DPH5: variants seen among roughly 807,000 people sequenced by gnomAD.
DPH5 encodes diphthine methyl ester synthase.
Under a neutral mutation model 31.6 loss-of-function variants are expected in DPH5, and 31 were observed. That is an observed-to-expected ratio of 0.98 (90% CI 0.74 to 1.32). DPH5 has a LOEUF of 1.32. Ranked by LOEUF, DPH5 falls within the 40% of genes most tolerant of loss-of-function variation. The pLI is 0.00. For missense variants in DPH5, 309 were observed against 335.7 expected, an observed-to-expected ratio of 0.92 and a Z score of 0.62; for synonymous variants, 120 against 115.0, an observed-to-expected ratio of 1.04 and a Z score of -0.28.
intron 4 of DPH5, among the ~76,000 whole-genome samples, chr1:101,005,002 T>C (rs1659128262): frequency 6.6e-6 from 1 of 152,188 alleles, no homozygotes; most frequent in African/African-American, 2.4e-5. Context: ...GTATATTTTA[T>C]GTAGCTGACT....
At chr1:101,004,975 T>A (rs111941874) in intron 4 of DPH5, among the ~76,000 whole-genome samples, 6 of 152,346 alleles carry the variant, frequency 3.9e-5, no homozygotes, top group African/African-American at 1.2e-4. Context: ...TTAGTGCCAA[T>A]TCCTGTAAAT....
chr1:101,025,437 A>G lies in DPH5; in HGVS notation c.7T>C (p.Tyr3His). 1.2e-6 allele frequency: 2 copies of G among 1,614,152 alleles called. No homozygotes were observed. The highest frequency in any genetic ancestry group is 1.1e-5 in the South Asian group (1 of 91,082). ...TCTCCCAGGCCCAACCCGATGAGAT[A>G]AAGCATTTCAAACTTGAGGAGAAGA... ML[Y>H]LIGLGLGDAK... is the part of the protein sequence containing the mutation. Residue 3 changes from tyrosine to histidine, a missense_variant, in exon 2 of 8, where the codon TAT becomes CAT. Tyr to His is a moderately conservative substitution (Grantham distance 83, BLOSUM62 2). Transcript: ENST00000370109.
chr1:101,025,500 A>G (rs1220245159), intron 1 of DPH5, 34 bp from the exon 2 acceptor site: 1 of 1,600,810 alleles, frequency 6.2e-7, no homozygotes. Context: ...AACCGTCAGT[A>G]ACACCGAGGA....
rs1657569968 is a variant in DPH5, at chr1:100,990,471, C to G, written c.795G>C (p.Glu265Asp). The G allele has an allele frequency of 6.2e-7, 1 of 1,614,014 alleles. No individual in the cohort carries two copies. Among genetic ancestry groups the G allele is most frequent in the Non-Finnish European group, 8.5e-7 (1 of 1,180,020 alleles). Residue 265 changes from glutamate to aspartate, a missense_variant, in exon 8 of 8, where the codon GAG becomes GAC. Coordinates refer to ENST00000370109, the MANE Select transcript of DPH5 (RefSeq NM_015958.3). Reference protein sequence around the residue: ...TGGSIHPMEMEMLSLFSIPEN... With the variant: ...TGGSIHPMEMDMLSLFSIPEN... ...CTGGTATGGAAAACAGACTTAGCAT[C>G]TCCATCTCCATTGGATGTATGCTGC... is the stretch of plus-strand genomic sequence containing the variant.
chr1:100,992,314 G>A (rs868513809), intron 7 of DPH5, among the ~76,000 whole-genome samples: 2 of 151,956 alleles, frequency 1.3e-5, no homozygotes, highest in Admixed American at 6.6e-5. Context: ...CCATTGATTA[G>A]GGATAACATA....
intron 4 of DPH5, among the ~76,000 whole-genome samples, chr1:101,004,107 C>T (rs1360916877): frequency 2.0e-5 from 3 of 152,144 alleles, no homozygotes; most frequent in African/African-American, 7.2e-5. Flanking sequence ...TTTGAATTGT[C>T]TAATTTGAGA....
At chr1:101,010,552 G>A (rs943875998) in intron 4 of DPH5, among the ~76,000 whole-genome samples, 2 of 152,082 alleles carry the variant, frequency 1.3e-5, no homozygotes, top group African/African-American at 4.8e-5. Flanking sequence ...GTTCAAAGGG[G>A]GTTGATAAAT....
Position 100,994,540 on chromosome 1 carries a change from C to CT in DPH5, c.530+569dup, listed in dbSNP as rs869229716. On this transcript the variant is annotated intron_variant, in intron 6 of 7. Coordinates refer to ENST00000370109, the MANE Select transcript of DPH5 (RefSeq NM_015958.3). ...GCAGACTCAGGACTCAAACCCATGCCTTTTTTTTTTTTTTCTCACTCTGTT... is the reference window on the plus strand; with the variant it reads ...GCAGACTCAGGACTCAAACCCATGCCTTTTTTTTTTTTTTTCTCACTCTGTT... 5.5e-3 allele frequency among the ~76,000 whole-genome samples: 780 copies of CT among 142,392 alleles called. 5 individuals are homozygous for CT. The highest frequency in any genetic ancestry group is 5.7e-3 in the African/African-American group (222 of 39,092). The allele number at this position is 142,392 out of a possible 152,430, so 93.4% of individuals were successfully genotyped here. A position where few individuals can be genotyped will look rare whatever the true frequency, so the allele number is the denominator to read the frequency against.
intron 5 of DPH5, among the ~76,000 whole-genome samples, chr1:100,998,703 G>T (rs1353459198): frequency 1.3e-5 from 2 of 152,146 alleles, no homozygotes; most frequent in African/African-American, 4.8e-5. Flanking sequence ...ATTAGGAAGA[G>T]AATAATGAGC....
At chr1:101,006,101 G>A (rs1040079312) in intron 4 of DPH5, among the ~76,000 whole-genome samples, 4 of 152,176 alleles carry the variant, frequency 2.6e-5, no homozygotes, top group Non-Finnish European at 5.9e-5. Flanking sequence ...GGCCTCCCCA[G>A]CCATGCTGAA....
Position 101,013,828 on chromosome 1 carries a change from G to A in DPH5, c.261-10C>T. 6.3e-7 allele frequency: 1 copy of A among 1,590,718 alleles called. No individual in the cohort carries two copies. The highest frequency in any genetic ancestry group is 8.6e-7 in the Non-Finnish European group (1 of 1,166,058). The stretch of plus-strand genomic sequence containing the variant: ...ACTGTGTGTTGTGGCCCTGTAGTGA[G>A]AAAAGATTAGATTGGATTAAAGCAA... On this transcript the variant is annotated splice_polypyrimidine_tract_variant and intron_variant, in intron 3 of 7. Coordinates refer to ENST00000370109, the MANE Select transcript of DPH5 (RefSeq NM_015958.3).
chr1:101,003,711 T>C (rs1441399077), intron 4 of DPH5, among the ~76,000 whole-genome samples: 1 of 152,214 alleles, frequency 6.6e-6, no homozygotes, highest in Non-Finnish European at 1.5e-5. Flanking sequence ...ATAATGAAGA[T>C]GTTCTAAAAT....
In DPH5 at chr1:100,990,402, C is replaced by G; in HGVS notation, c.*6G>C. 1.9e-6 allele frequency: 3 copies of G among 1,612,758 alleles called. No individual in the cohort carries two copies. The highest frequency in any genetic ancestry group is 1.1e-5 in the South Asian group (1 of 91,036). On this transcript the variant is annotated 3_prime_UTR_variant, in exon 8 of 8. Transcript: ENST00000370109. Reference sequence around the variant, plus strand: ...ATTTACATCAGACAATGGTAAATATCTATGTTCAAAGTCCATTGATGCTTT... The same window carrying G: ...ATTTACATCAGACAATGGTAAATATGTATGTTCAAAGTCCATTGATGCTTT...
At chr1:101,017,434 C>A (rs1660159068) in intron 3 of DPH5, among the ~76,000 whole-genome samples, 1 of 152,066 alleles carries the variant, frequency 6.6e-6, no homozygotes, top group Non-Finnish European at 1.5e-5. Flanking sequence ...GTTGCCTTTC[C>A]ATTTTTAAGA....
intron 2 of DPH5, among the ~76,000 whole-genome samples, chr1:101,022,197 A>G (rs920856086): frequency 2.0e-5 from 3 of 152,230 alleles, no homozygotes; most frequent in African/African-American, 7.2e-5. Flanking sequence ...TAAATTTTCA[A>G]TGGTTAAACA....
At chr1:100,995,261 C>G (rs1296549988) in intron 5 of DPH5, 112 bp from the exon 6 acceptor site, 1 of 601,122 alleles carries the variant, frequency 1.7e-6, no homozygotes, top group Admixed American at 2.8e-5. Flanking sequence ...TCTTCCCTCA[C>G]ATTTTAATTA....
intron 2 of DPH5, among the ~76,000 whole-genome samples, chr1:101,022,302 A>T (rs1660512744): frequency 6.6e-6 from 1 of 152,264 alleles, no homozygotes; most frequent in Non-Finnish European, 1.5e-5. Flanking sequence ...ACATAAATGC[A>T]GAAGATACTA....
intron 6 of DPH5, 62 bp from the exon 7 acceptor site, chr1:100,992,802 T>C (rs529861878): frequency 3.5e-6 from 4 of 1,135,360 alleles, no homozygotes; most frequent in Admixed American, 1.8e-5. Context: ...ATGTTATTAA[T>C]GCAATTAGCT....
Position 101,014,715 on chromosome 1 carries a change from T to C in DPH5, c.261-897A>G, listed in dbSNP as rs765555786. Among the ~76,000 whole-genome samples the C allele has an allele frequency of 7.6e-4, 116 of 152,240 alleles. 1 individual carries two copies. The highest frequency in any genetic ancestry group is 2.4e-4 in the Non-Finnish European group (16 of 68,032). ...CATGCAACATTGTGTGATACCATTTTACCCACAGTGGAACCTCTTTCAAAA... is the reference window on the plus strand; with the variant it reads ...CATGCAACATTGTGTGATACCATTTCACCCACAGTGGAACCTCTTTCAAAA... On this transcript the variant is annotated intron_variant, in intron 3 of 7. Coordinates refer to ENST00000370109, the MANE Select transcript of DPH5 (RefSeq NM_015958.3).
Sources: gnomAD v4.1 joint callset for allele counts (sites outside exome capture counted in the v4.1 genomes callset) on GRCh38, gnomAD v4.1.1 for gene constraint, MANE v1.5 for transcripts, NCBI Gene and HGNC (gene_info 2026-07-23, HGNC 2026-07-21) for gene names.